PCDH11Y: variants seen among roughly 807,000 people sequenced by gnomAD.
PCDH11Y encodes the protein protocadherin 11 Y-linked.
For synonymous variants in PCDH11Y, 9 were observed against 83.6 expected, an observed-to-expected ratio of 0.11 and a Z score of 4.87; for missense variants, 12 against 224.8, an observed-to-expected ratio of 0.05 and a Z score of 6.05.
At chrY:5,621,699 G>C in intron 4 of PCDH11Y, among the ~76,000 whole-genome samples, 2 of 32,201 alleles carry the variant, frequency 6.2e-5, no homozygotes, top group Non-Finnish European at 1.5e-4. Flanking sequence ...CAGACACATA[G>C]ACCAATGGAA....
At chrY:5,002,309 C>T in intron 1 of PCDH11Y, among the ~76,000 whole-genome samples, 7 of 32,758 alleles carry the variant, frequency 2.1e-4, no homozygotes, top group Admixed American at 5.5e-4. Context: ...AGGAAACAAC[C>T]TGAGGAGCAT....
At chrY:5,014,858 G>A in intron 1 of PCDH11Y, among the ~76,000 whole-genome samples, 1 of 33,106 alleles carries the variant, frequency 3.0e-5, no homozygotes, top group South Asian at 6.8e-4. Flanking sequence ...TTCTGTAATA[G>A]TAGTTAACCA....
chrY:5,642,602 G>C, intron 4 of PCDH11Y, among the ~76,000 whole-genome samples: 1 of 33,610 alleles, frequency 3.0e-5, no homozygotes, highest in African/African-American at 1.2e-4. Context: ...TCTCTCTTAA[G>C]GTGTTAGAGA....
At chrY:5,301,989 A>AT (rs2053082901) in intron 2 of PCDH11Y, among the ~76,000 whole-genome samples, 1 of 29,420 alleles carries the variant, frequency 3.4e-5, no homozygotes, top group Non-Finnish European at 8.1e-5. Flanking sequence ...TATATGCAAA[A>AT]TTGTTTCCAC....
intron 2 of PCDH11Y, among the ~76,000 whole-genome samples, chrY:5,184,403 TA>T (rs2052904462): frequency 3.9e-5 from 1 of 25,678 alleles, no homozygotes; most frequent in Non-Finnish European, 8.8e-5. Flanking sequence ...AATGCTGCAA[TA>T]AACATAAGCA....
At chrY:5,384,426 A>G in intron 2 of PCDH11Y, among the ~76,000 whole-genome samples, 1 of 29,943 alleles carries the variant, frequency 3.3e-5, no homozygotes. Context: ...TAAAGATTCC[A>G]TAGTCTGAGT....
chrY:5,537,098 G>T, intron 3 of PCDH11Y, among the ~76,000 whole-genome samples: 2 of 31,757 alleles, frequency 6.3e-5, no homozygotes, highest in Non-Finnish European at 1.5e-4. Context: ...GTTCTGTGAA[G>T]AATGAGGGTG....
chrY:5,637,908 G>C, intron 4 of PCDH11Y, among the ~76,000 whole-genome samples: 1 of 15,687 alleles, frequency 6.4e-5, no homozygotes, highest in Non-Finnish European at 1.4e-4. Flanking sequence ...CTTTCACTAT[G>C]GCTTACCAAT....
At chrY:5,126,606 A>T in intron 2 of PCDH11Y, among the ~76,000 whole-genome samples, 3 of 33,157 alleles carry the variant, frequency 9.0e-5, no homozygotes, top group African/African-American at 3.5e-4. Flanking sequence ...TGACTATAAA[A>T]TAGTATAAAT....
At chrY:5,183,768 T>TA (rs2052903713) in intron 2 of PCDH11Y, among the ~76,000 whole-genome samples, 1 of 31,386 alleles carries the variant, frequency 3.2e-5, no homozygotes, top group Non-Finnish European at 7.6e-5. Context: ...TAATTTTATG[T>TA]AAAAATGTAA....
At chrY:5,431,339 A>C in intron 2 of PCDH11Y, among the ~76,000 whole-genome samples, 1 of 26,735 alleles carries the variant, frequency 3.7e-5, no homozygotes, top group Non-Finnish European at 8.9e-5. Flanking sequence ...TTTGCATTCA[A>C]TTTGAATGAA....
At chrY:5,286,831 C>G in intron 2 of PCDH11Y, among the ~76,000 whole-genome samples, 5 of 32,745 alleles carry the variant, frequency 1.5e-4, no homozygotes, top group African/African-American at 2.4e-4. Context: ...ATGATATCAC[C>G]TACAAACAGA....
chrY:5,277,636 CTTA>C (rs2053045849), intron 2 of PCDH11Y, among the ~76,000 whole-genome samples: 1 of 33,522 alleles, frequency 3.0e-5, no homozygotes, highest in Non-Finnish European at 7.4e-5. Flanking sequence ...ATTCACAGTT[CTTA>C]TTTCATGTAT....
intron 2 of PCDH11Y, among the ~76,000 whole-genome samples, chrY:5,482,154 T>C (rs2053327429): frequency 3.1e-5 from 1 of 31,861 alleles, no homozygotes; most frequent in Non-Finnish European, 7.6e-5. Flanking sequence ...CGTGTGCCAC[T>C]ATGCCCAGCT....
chrY:5,313,814 T>G, intron 2 of PCDH11Y, among the ~76,000 whole-genome samples: 2 of 31,673 alleles, frequency 6.3e-5, no homozygotes, highest in African/African-American at 2.5e-4. Flanking sequence ...GTGATATAAC[T>G]ATACATATAA....
At chrY:5,067,355 T>G in intron 1 of PCDH11Y, among the ~76,000 whole-genome samples, 1 of 32,548 alleles carries the variant, frequency 3.1e-5, no homozygotes, top group Non-Finnish European at 7.6e-5. Flanking sequence ...CTAATGGAAA[T>G]GTAAGTAATT....
chrY:5,241,583 C>T, intron 2 of PCDH11Y, among the ~76,000 whole-genome samples: 1 of 23,403 alleles, frequency 4.3e-5, no homozygotes, highest in African/African-American at 1.7e-4. Context: ...AATAGGTAGG[C>T]TGAAGGAGAA....
chrY:5,411,731 A>T, intron 2 of PCDH11Y, among the ~76,000 whole-genome samples: 1 of 31,775 alleles, frequency 3.1e-5, no homozygotes, highest in African/African-American at 1.2e-4. Context: ...TTTGTCAATG[A>T]TCAGATGGTT....
chrY:5,621,838 T>C, intron 4 of PCDH11Y, among the ~76,000 whole-genome samples: 6 of 32,012 alleles, frequency 1.9e-4, no homozygotes, highest in African/African-American at 3.7e-4. Flanking sequence ...TGGCTAACCA[T>C]ATGCACAAAA....
Sources: gnomAD v4.1 joint callset for allele counts (sites outside exome capture counted in the v4.1 genomes callset) on GRCh38, gnomAD v4.1.1 for gene constraint, MANE v1.5 for transcripts, NCBI Gene and HGNC (gene_info 2026-07-23, HGNC 2026-07-21) for gene names.